The following TMEM64 variants were observed in gnomAD, a reference collection of about 807,000 sequenced individuals.
The protein encoded by TMEM64 is transmembrane protein 64.
A neutral mutation model predicts 24.5 loss-of-function variants in TMEM64; 19 were observed. The ratio of observed to expected loss-of-function variants is 0.78; its 90% CI spans 0.54 to 1.14. TMEM64 has a LOEUF of 1.14. Among genes scored for constraint, TMEM64 ranks in the 50% most tolerant of loss-of-function variants. The pLI is 0.00. For synonymous variants in TMEM64, 262 were observed against 224.7 expected, an observed-to-expected ratio of 1.17 and a Z score of -1.49; for missense variants, 487 against 493.0, an observed-to-expected ratio of 0.99 and a Z score of 0.12.
rs934278153 is a variant in TMEM64, at chr8:90,624,623, T to C, written c.*1048A>G. ...ACAAACACAATAAACCTACTTAAAG[T>C]AGGGCAAATAACAAAATTTGGGCAT... On this transcript the variant is annotated 3_prime_UTR_variant, in exon 3 of 3. Coordinates refer to ENST00000458549, the MANE Select transcript of TMEM64 (RefSeq NM_001008495.4). The C allele has an allele frequency of 6.6e-6, 1 of 152,350 alleles. No individual in the cohort carries two copies. The highest frequency in any genetic ancestry group is 1.5e-5 in the Non-Finnish European group (1 of 67,884). 9.4% of individuals were successfully genotyped at this position (152,350 alleles called of 1,614,324 possible). A position where few individuals can be genotyped will look rare whatever the true frequency, so the allele number is the denominator to read the frequency against.
rs529832484 is a variant in TMEM64, at chr8:90,624,171, A to T, written c.*1500T>A. The stretch of plus-strand genomic sequence containing the variant: ...CATTATAAAGGAAAGGAAAACAATT[A>T]TACCTGATAGAGCAAAAAGATCACA... On this transcript the variant is annotated 3_prime_UTR_variant, in exon 3 of 3. Coordinates refer to ENST00000458549, the MANE Select transcript of TMEM64 (RefSeq NM_001008495.4). 3 of 152,064 alleles carry T rather than the reference A, an allele frequency of 2.0e-5. No homozygotes were observed. The highest frequency in any genetic ancestry group is 4.4e-5 in the Non-Finnish European group (3 of 67,946). The allele number at this position is 152,064 out of a possible 1,614,324, so 9.4% of individuals were successfully genotyped here.
At chr8:90,640,018 G>A (rs1809580641) in intron 1 of TMEM64, among the ~76,000 whole-genome samples, 1 of 152,118 alleles carries the variant, frequency 6.6e-6, no homozygotes, top group Admixed American at 6.6e-5. Context: ...GACACAAAGA[G>A]GGGAAAACAG....
chr8:90,637,331 C>T (rs1192774299), intron 1 of TMEM64, among the ~76,000 whole-genome samples: 2 of 152,280 alleles, frequency 1.3e-5, no homozygotes, highest in Admixed American at 6.5e-5. Flanking sequence ...TAGCTTTTTA[C>T]ACAATGGCTT....
chr8:90,642,760 A>C (rs1221431119), intron 1 of TMEM64, among the ~76,000 whole-genome samples: 1 of 149,550 alleles, frequency 6.7e-6, no homozygotes, highest in East Asian at 1.9e-4. Context: ...GCTATGGCTG[A>C]GTCAAAATTT....
intron 1 of TMEM64, among the ~76,000 whole-genome samples, chr8:90,643,240 T>C (rs1809633843): frequency 6.6e-6 from 1 of 152,216 alleles, no homozygotes; most frequent in African/African-American, 2.4e-5. Context: ...ACCATTAATT[T>C]AGTACCTTGG....
rs1809316943 is a variant in TMEM64 at position 90,623,926 on chromosome 8, G to C, written c.*1745C>G. On this transcript the variant is annotated 3_prime_UTR_variant, in exon 3 of 3. Transcript: ENST00000458549. ...ATCATTAAACGAAAACCAGCAACTA[G>C]ATTCAAAAGAGAGAAAAAAAACCGA... 6.6e-6 allele frequency: 1 copy of C among 151,440 alleles called. No homozygotes were observed. Among genetic ancestry groups the C allele is most frequent in the Admixed American group, 6.6e-5 (1 of 15,154 alleles). 9.4% of individuals were successfully genotyped at this position (151,440 alleles called of 1,614,324 possible).
intron 1 of TMEM64, among the ~76,000 whole-genome samples, chr8:90,643,595 G>A (rs1017620872): frequency 5.3e-5 from 8 of 152,232 alleles, no homozygotes; most frequent in African/African-American, 1.9e-4. Flanking sequence ...CACGGTAGAT[G>A]GACAAGAAAA....
Position 90,640,957 on chromosome 8 carries a change from G to A in TMEM64, c.795+4154C>T, listed in dbSNP as rs145869592. Among the ~76,000 whole-genome samples the A allele has an allele frequency of 4.1e-4, 62 of 152,274 alleles. No individual in the cohort carries two copies. In the East Asian group the frequency reaches 6.2e-3, roughly 15 times the overall value. The stretch of plus-strand genomic sequence containing the variant: ...CCTAAGAAGTGAGCCAGGGTGATGG[G>A]TAAGGTCTTGCACTTTAAAATTTAC... On this transcript the variant is annotated intron_variant, in intron 1 of 2. Transcript: ENST00000458549.
intron 1 of TMEM64, among the ~76,000 whole-genome samples, chr8:90,642,047 G>T (rs1030558441): frequency 6.6e-6 from 1 of 152,142 alleles, no homozygotes; most frequent in Non-Finnish European, 1.5e-5. Flanking sequence ...TGGTTCAGAG[G>T]AGATAAGCAA....
At chr8:90,631,460 CT>C in intron 2 of TMEM64, 91 bp downstream of exon 2, 2 of 1,117,866 alleles carry the variant, frequency 1.8e-6, no homozygotes, top group Non-Finnish European at 2.5e-6. Flanking sequence ...GAAAAACCCT[CT>C]GATTATTTTC....
Position 90,645,495 on chromosome 8 carries a change from C to G in TMEM64, c.411G>C (p.Leu137=). ...GGTGAAGGTAGCGGCGGACCAGGGC[C>G]AGGGAAGCGAAGCACAGGGCGGCCA... ...CVLAALCFAS[L]ALVRRYLHHL... The change falls in exon 1 of 3, where the codon CTG becomes CTC. Residue 137 remains leucine (L), a synonymous_variant. Coordinates refer to ENST00000458549, the MANE Select transcript of TMEM64 (RefSeq NM_001008495.4). The surrounding 1 kb of genome is among the most constrained non-coding windows in gnomAD (Gnocchi z 4.2). 1 of 1,550,986 alleles carries G rather than the reference C, an allele frequency of 6.4e-7. No individual in the cohort carries two copies. Among genetic ancestry groups the G allele is most frequent in the Non-Finnish European group, 8.7e-7 (1 of 1,146,988 alleles).
At chr8:90,626,257 T>C (rs1264330227) in intron 2 of TMEM64, among the ~76,000 whole-genome samples, 1 of 152,224 alleles carries the variant, frequency 6.6e-6, no homozygotes, top group Admixed American at 6.5e-5. Flanking sequence ...TGACTATAAA[T>C]GTCCATAGGT....
chr8:90,642,807 C>CAA (rs1809623854), intron 1 of TMEM64, among the ~76,000 whole-genome samples: 1 of 152,190 alleles, frequency 6.6e-6, no homozygotes, highest in Non-Finnish European at 1.5e-5. Context: ...ATCCTGGGTT[C>CAA]AAACCCTAGC....
chr8:90,645,604 AC>A lies in TMEM64; in HGVS notation c.301del (p.Val101SerfsTer6). 6.5e-7 allele frequency: 1 copy of A among 1,536,024 alleles called. No individual in the cohort carries two copies. The highest frequency in any genetic ancestry group is 1.2e-5 in the South Asian group (1 of 83,892). ...GPGSGGGGVVVGVAEVRNWRC... is the reference protein window; with the variant it reads ...GPGSGGGGVVXGVAEVRNWRC... ...CCAGTTTCTCACCTCAGCCACGCCG[AC>A]CACCACGCCGCCGCCGCCACTCCCG... is the stretch of plus-strand genomic sequence containing the variant. On this transcript the variant is annotated frameshift_variant, in exon 1 of 3. Coordinates refer to ENST00000458549, the MANE Select transcript of TMEM64 (RefSeq NM_001008495.4). LOFTEE classifies it high-confidence loss of function. The surrounding 1 kb of genome is among the most constrained non-coding windows in gnomAD (Gnocchi z 4.2).
intron 1 of TMEM64, among the ~76,000 whole-genome samples, chr8:90,639,569 G>A (rs1164132564): frequency 1.3e-5 from 2 of 151,966 alleles, no homozygotes; most frequent in African/African-American, 2.4e-5. Flanking sequence ...GTTCTAAGCA[G>A]AATAAAAAAG....
intron 1 of TMEM64, among the ~76,000 whole-genome samples, chr8:90,637,803 G>A (rs147231516): frequency 2.6e-5 from 4 of 152,088 alleles, no homozygotes; most frequent in East Asian, 1.9e-4. Flanking sequence ...ATTCAGAAGC[G>A]GCAACTATTT....
chr8:90,625,640 A>G lies in TMEM64; in HGVS notation c.*31T>C. 1 of 1,585,420 alleles carries G rather than the reference A, an allele frequency of 6.3e-7. No individual in the cohort carries two copies. The highest frequency in any genetic ancestry group is 8.6e-7 in the Non-Finnish European group (1 of 1,158,184). On this transcript the variant is annotated 3_prime_UTR_variant, in exon 3 of 3. Coordinates refer to ENST00000458549, the MANE Select transcript of TMEM64 (RefSeq NM_001008495.4). ...ACTGCTAGACCTTAGATAGCACACT[A>G]GGCTCTTGACAATCACGTATCTCAT...
chr8:90,635,805 A>C (rs1809509862), intron 1 of TMEM64, among the ~76,000 whole-genome samples: 2 of 152,234 alleles, frequency 1.3e-5, no homozygotes, highest in Non-Finnish European at 2.9e-5. Context: ...ATTACATATT[A>C]TGGAAGTTAT....
intron 1 of TMEM64, among the ~76,000 whole-genome samples, chr8:90,632,557 T>C (rs1287691726): frequency 6.6e-6 from 1 of 152,020 alleles, no homozygotes; most frequent in Non-Finnish European, 1.5e-5. Context: ...ATCCTGACCT[T>C]GTGATCCGCC....
Sources: allele counts gnomAD v4.1 joint callset (sites outside exome capture counted in the v4.1 genomes callset), GRCh38; gene constraint gnomAD v4.1.1; non-coding constraint Gnocchi (gnomAD v3.1); transcripts MANE v1.5; gene names NCBI Gene and HGNC (gene_info 2026-07-23, HGNC 2026-07-21).